CCDC66: variants seen among roughly 807,000 people sequenced by gnomAD.
CCDC66 encodes coiled-coil domain-containing protein 66.
In CCDC66, 133 loss-of-function variants were observed where a neutral mutation model predicts 128.3. The ratio of observed to expected loss-of-function variants is 1.04; its 90% confidence interval spans 0.90 to 1.20. The LOEUF (loss-of-function observed/expected upper bound fraction) is 1.20, where lower values mean the gene tolerates loss of function less well. CCDC66 is among the 50% of genes most tolerant of loss of function. CCDC66 has a pLI of 0.00. For missense variants in CCDC66, 1,126 were observed against 1,075.5 expected, an observed-to-expected ratio of 1.05 and a Z score of -0.66; for synonymous variants, 387 against 357.0, an observed-to-expected ratio of 1.08 and a Z score of -0.95.
At chr3:56,571,438 G>GT (rs2066601904) in intron 7 of CCDC66, 136 bp downstream of exon 7, 2 of 555,654 alleles carry the variant, frequency 3.6e-6, no homozygotes, top group African/African-American at 4.1e-5. Context: ...CTGGAATGCA[G>GT]TGGCACAGTC....
Position 56,619,332 on chromosome 3 carries a change from C to T in CCDC66, c.2440C>T (p.His814Tyr), listed in dbSNP as rs141741179. ...AACCCAACAAACTCAAAATACATTA[C>T]ATTTACCACTAAAAAACAGTAGCTA... is the stretch of plus-strand genomic sequence containing the variant. ...NRTQQTQNTL[H>Y]LPLKNSSYER... Residue 814 changes from histidine (H) to tyrosine (Y), a missense_variant, in exon 16 of 18, where the codon CAT becomes TAT. His to Tyr is a moderately conservative substitution (Grantham distance 83, BLOSUM62 2). Transcript: ENST00000394672. 6.2e-6 allele frequency: 10 copies of T among 1,613,390 alleles called. No individual in the cohort carries two copies. Among genetic ancestry groups the T allele is most frequent in the Non-Finnish European group, 8.5e-6 (10 of 1,179,584 alleles).
At chr3:56,568,259 T>G (rs905876689) in intron 6 of CCDC66, among the ~76,000 whole-genome samples, 33 of 152,288 alleles carry the variant, frequency 2.2e-4, no homozygotes, top group Non-Finnish European at 1.0e-4. Context: ...ATTAATACAT[T>G]TTGGGGTAAA....
Position 56,610,991 on chromosome 3 carries a change from C to T in CCDC66, c.1405-2598C>T, listed in dbSNP as rs118076979. On this transcript the variant is annotated intron_variant, in intron 10 of 17. Transcript: ENST00000394672. ...AGGTGGTGGAGGATGCAGTGGACTC[C>T]GTGGGACTCCTTAGCTTTGATGGTT... Among the ~76,000 whole-genome samples the T allele has an allele frequency of 2.2e-3, 340 of 152,188 alleles. 11 individuals are homozygous for T. The East Asian group carries it at 0.053, about 24-fold the overall frequency.
chr3:56,582,866 T>C (rs950104500), intron 7 of CCDC66, among the ~76,000 whole-genome samples: 16 of 146,120 alleles, frequency 1.1e-4, no homozygotes, highest in African/African-American at 3.5e-4. Flanking sequence ...TTATTATTAT[T>C]ATTATTATTA....
rs573032696 is a variant in CCDC66 at position 56,567,114 on chromosome 3, G to A, written c.814+61G>A. On this transcript the variant is annotated intron_variant, in intron 6 of 17. Coordinates refer to ENST00000394672, the MANE Select transcript of CCDC66 (RefSeq NM_001141947.3). Reference sequence around the variant, plus strand: ...GGCTTAAAGAATATGTATTGAAGCCGGGCACGGTGGCTCACACCTGTAATA... The same window carrying A: ...GGCTTAAAGAATATGTATTGAAGCCAGGCACGGTGGCTCACACCTGTAATA... The A allele has an allele frequency of 6.1e-5, 79 of 1,303,484 alleles. No homozygotes were observed. The Admixed American group carries it at 6.9e-4, about 11-fold the overall frequency. The allele number at this position is 1,303,484 out of a possible 1,614,324, so 80.7% of individuals were successfully genotyped here.
Position 56,593,738 on chromosome 3 carries a change from CAA to C in CCDC66, c.1318_1319del (p.Asn440LeufsTer15), listed in dbSNP as rs1363988284. ...GTGGTTATGGCAAACAGTAAGAAAACAAAGTAAGTTCATGCTTATGTATTTAT... is the reference window on the plus strand; with the variant it reads ...GTGGTTATGGCAAACAGTAAGAAAACAGTAAGTTCATGCTTATGTATTTAT... On this transcript the variant is annotated frameshift_variant and splice_region_variant, in exon 9 of 18. Transcript: ENST00000394672. LOFTEE classifies it high-confidence loss of function. 3.1e-6 allele frequency: 5 copies of C among 1,610,282 alleles called. No individual in the cohort carries two copies. The highest frequency in any genetic ancestry group is 2.7e-5 in the African/African-American group (2 of 74,838).
At position 56,618,213 on chromosome 3, in the gene CCDC66, G is replaced by GT. The variant is rs1479807064; in HGVS notation, c.2378+2dup. On this transcript the variant is annotated splice_donor_variant, in intron 15 of 17. Transcript: ENST00000394672. LOFTEE classifies it high-confidence loss of function. ...ATATTCATTCATTCAGCAAGGAAAG[G>GT]TAAGTATGCATCAGATTAATTCCGC... The GT allele has an allele frequency of 2.5e-6, 4 of 1,612,316 alleles. No homozygotes were observed. The highest frequency in any genetic ancestry group is 8.5e-7 in the Non-Finnish European group (1 of 1,178,560).
intron 7 of CCDC66, among the ~76,000 whole-genome samples, chr3:56,590,950 C>T (rs963833808): frequency 2.0e-5 from 3 of 152,170 alleles, no homozygotes; most frequent in African/African-American, 7.2e-5. Context: ...ACAATTGTTA[C>T]AGTGTGTCTT....
chr3:56,559,682 T>G, intron 3 of CCDC66, 88 bp downstream of exon 3: 1 of 1,041,210 alleles, frequency 9.6e-7, no homozygotes, highest in Non-Finnish European at 1.4e-6. Flanking sequence ...CTGGGAAATG[T>G]CAAGTGTTCT....
Position 56,571,237 on chromosome 3 carries a change from C to A in CCDC66, c.871C>A (p.Pro291Thr). ...AGAAGTTTCTGAAAAATGGAATGAT[C>A]CTTGGAAAAAATCTGAAAGTGATAA... ...EKEVSEKWND[P>T]WKKSESDKII... Residue 291 changes from proline (P) to threonine (T), a missense_variant, in exon 7 of 18, where the codon CCT becomes ACT. Transcript: ENST00000394672. 2 of 1,547,390 alleles carry A rather than the reference C, an allele frequency of 1.3e-6. No individual in the cohort carries two copies. Among genetic ancestry groups the A allele is most frequent in the South Asian group, 1.2e-5 (1 of 85,580 alleles).
intron 4 of CCDC66, chr3:56,565,259 A>G (rs984452345): frequency 4.7e-6 from 1 of 212,638 alleles, no homozygotes; most frequent in Non-Finnish European, 1.0e-5. Flanking sequence ...GATTTGTGTT[A>G]TAATTTTTAT....
chr3:56,593,019 AAAGAAAATGGATT>A lies in CCDC66; in HGVS notation c.987_999del (p.Arg330LysfsTer3), dbSNP rs765062250. The A allele has an allele frequency of 1.9e-6, 3 of 1,611,666 alleles. No homozygotes were observed. In the African/African-American group the frequency reaches 4.0e-5, roughly 22 times the overall value. ...TTCAGTGCTGTGAAACAAGAACTGC[AAAGAAAATGGATT>A]GAAGAGTTGAATAAGCAAATAGAAG... On this transcript the variant is annotated frameshift_variant, in exon 8 of 18. Transcript: ENST00000394672. LOFTEE classifies it high-confidence loss of function.
intron 17 of CCDC66, 22 bp downstream of exon 17, chr3:56,619,923 GAT>G: frequency 6.2e-7 from 1 of 1,610,848 alleles, no homozygotes. Flanking sequence ...TTCAAGTGTA[GAT>G]ATGTCTGTTC....
chr3:56,594,034 G>A lies in CCDC66; in HGVS notation c.1404+6G>A. 6.2e-7 allele frequency: 1 copy of A among 1,609,906 alleles called. No individual in the cohort carries two copies. The highest frequency in any genetic ancestry group is 8.5e-7 in the Non-Finnish European group (1 of 1,176,022). The stretch of plus-strand genomic sequence containing the variant: ...AAAAACAATTAGAGCATCAGGTATT[G>A]CATTGTTAAACATTGTTCTTTACCT... On this transcript the variant is annotated splice_donor_region_variant and intron_variant, in intron 10 of 17. Coordinates refer to ENST00000394672, the MANE Select transcript of CCDC66 (RefSeq NM_001141947.3).
In CCDC66 at chr3:56,567,024, C is replaced by CA. The variant is rs770432647; in HGVS notation, c.792dup (p.Ala265SerfsTer9). On this transcript the variant is annotated frameshift_variant, in exon 6 of 18. Transcript: ENST00000394672. LOFTEE classifies it high-confidence loss of function. ...GAATGTGATAGAAGTTCGTTGGAAG[C>CA]AAAAAAAGCCCAGTGGAGGAAAGAG... 6.2e-6 allele frequency: 10 copies of CA among 1,612,716 alleles called. No individual in the cohort carries two copies. The highest frequency in any genetic ancestry group is 3.3e-4 in the Middle Eastern group (2 of 6,046).
Position 56,566,628 on chromosome 3 carries a change from T to G in CCDC66, c.579T>G (p.Asn193Lys), listed in dbSNP as rs199632321. 38 of 1,594,220 alleles carry G rather than the reference T, an allele frequency of 2.4e-5. No homozygotes were observed. The highest frequency in any genetic ancestry group is 3.1e-5 in the Non-Finnish European group (36 of 1,162,492). Residue 193 changes from asparagine to lysine, a missense_variant, in exon 5 of 18, where the codon AAT (asparagine) becomes AAG (lysine). Physicochemically the swap from Asn to Lys is moderately conservative, Grantham distance 94. Transcript: ENST00000394672. ...GTCTATATTTAAACAGTATTTCTAA[T>G]CAGCCAAAGGATGAGAACATTATGG... is the stretch of plus-strand genomic sequence containing the variant. Reference protein sequence around the residue: ...QYSLYLNSISNQPKDENIMGL... With the variant: ...QYSLYLNSISKQPKDENIMGL...
At chr3:56,610,295 T>A (rs925891522) in intron 10 of CCDC66, among the ~76,000 whole-genome samples, 2 of 152,154 alleles carry the variant, frequency 1.3e-5, no homozygotes, top group Non-Finnish European at 2.9e-5. Context: ...GAGCATTTCA[T>A]ATTTCTAAAA....
rs1242700737 is a variant in CCDC66, at chr3:56,594,677, C to T, written c.1404+649C>T. ...CAGCCTGGGCGACAGAGTGAGACTC[C>T]ATCTCAAAAAAAAAAAAGAAATCTA... is the stretch of plus-strand genomic sequence containing the variant. On this transcript the variant is annotated intron_variant, in intron 10 of 17. Transcript: ENST00000394672. Among the ~76,000 whole-genome samples, 3 of 142,756 alleles carry T rather than the reference C, an allele frequency of 2.1e-5. No individual in the cohort carries two copies. The Admixed American group carries it at 2.2e-4, about 11-fold the overall frequency. 93.7% of individuals were successfully genotyped at this position (142,756 alleles called of 152,430 possible).
intron 10 of CCDC66, among the ~76,000 whole-genome samples, chr3:56,598,844 A>G (rs995594315): frequency 4.6e-5 from 7 of 152,108 alleles, no homozygotes; most frequent in East Asian, 1.9e-4. Flanking sequence ...TTTTGCATCT[A>G]TGTTCATCAA....
Sources: allele counts gnomAD v4.1 joint callset (sites outside exome capture counted in the v4.1 genomes callset), GRCh38; gene constraint gnomAD v4.1.1; transcripts MANE v1.5; gene names NCBI Gene and HGNC (gene_info 2026-07-23, HGNC 2026-07-21).